SBF2: variants seen among roughly 807,000 people sequenced by gnomAD.
SBF2 encodes the protein myotubularin-related protein 13.
A neutral mutation model predicts 225.2 loss-of-function variants in SBF2; 112 were observed. That is an observed-to-expected ratio of 0.50 (90% CI 0.43 to 0.58). The LOEUF (loss-of-function observed/expected upper bound fraction) is 0.58, where lower values mean the gene tolerates loss of function less well. Among genes scored for constraint, SBF2 ranks in the 20% least tolerant of loss-of-function variants. The pLI, the probability that SBF2 is intolerant of heterozygous loss-of-function variation, is 0.00. For synonymous variants in SBF2, 763 were observed against 773.3 expected, an observed-to-expected ratio of 0.99 and a Z score of 0.22; for missense variants, 1,996 against 2,206.2, an observed-to-expected ratio of 0.90 and a Z score of 1.91.
At chr11:9,893,096 A>G (rs1860970032) in intron 17 of SBF2, among the ~76,000 whole-genome samples, 1 of 152,198 alleles carries the variant, frequency 6.6e-6, no homozygotes, top group Admixed American at 6.5e-5. Flanking sequence ...AGTATTTTAA[A>G]AGTAAGTTTA....
chr11:9,834,344 G>A (rs11042507), intron 26 of SBF2, among the ~76,000 whole-genome samples: 2 of 152,022 alleles, frequency 1.3e-5, no homozygotes, highest in African/African-American at 4.8e-5. Context: ...TGCCCGCCTC[G>A]GCCTCCCAAA....
chr11:9,833,601 C>T (rs930635981), intron 26 of SBF2, among the ~76,000 whole-genome samples: 33 of 151,500 alleles, frequency 2.2e-4, no homozygotes, highest in African/African-American at 3.4e-4. Flanking sequence ...TTTGTATTTT[C>T]AATAGAGACG....
chr11:10,034,672 G>C (rs1949372157), intron 3 of SBF2, among the ~76,000 whole-genome samples: 1 of 152,140 alleles, frequency 6.6e-6, no homozygotes, highest in African/African-American at 2.4e-5. Context: ...GTTATAAAAG[G>C]AGGATAAAAT....
chr11:10,297,359 C>G (rs1219337822), upstream of SBF2, among the ~76,000 whole-genome samples: 1 of 152,102 alleles, frequency 6.6e-6, no homozygotes, highest in Non-Finnish European at 1.5e-5. Context: ...CACACCCAGA[C>G]TTCATTTTCT....
intron 13 of SBF2, among the ~76,000 whole-genome samples, chr11:9,978,787 G>C (rs11825114): frequency 0.2 from 30,800 of 152,122 alleles, 3,197 homozygotes; most frequent in East Asian, 0.28. Flanking sequence ...CTTGAGCCCA[G>C]GAGTTCCAGA....
At chr11:9,998,226 T>G in intron 9 of SBF2, 40 bp downstream of exon 9, 2 of 1,184,410 alleles carry the variant, frequency 1.7e-6, no homozygotes, top group Non-Finnish European at 2.5e-6. Flanking sequence ...GCTTCAGATT[T>G]AAATAAAGAG....
chr11:10,107,855 G>C (rs1952618914), intron 2 of SBF2, among the ~76,000 whole-genome samples: 1 of 152,090 alleles, frequency 6.6e-6, no homozygotes, highest in African/African-American at 2.4e-5. Flanking sequence ...ACCATTCACA[G>C]GTTATGGATA....
At chr11:9,805,815 G>C (rs956016247) in intron 32 of SBF2, among the ~76,000 whole-genome samples, 3 of 152,032 alleles carry the variant, frequency 2.0e-5, no homozygotes, top group Admixed American at 6.6e-5. Flanking sequence ...GTAGAGATGG[G>C]GTTTCACCAT....
At chr11:10,177,924 A>G (rs1304001315) in intron 2 of SBF2, among the ~76,000 whole-genome samples, 9 of 149,550 alleles carry the variant, frequency 6.0e-5, no homozygotes, top group East Asian at 2.1e-4. Flanking sequence ...GAGGCATCAC[A>G]CTACCTGACT....
chr11:10,028,412 C>T, intron 6 of SBF2, 40 bp downstream of exon 6: 17 of 1,215,962 alleles, frequency 1.4e-5, no homozygotes, highest in Non-Finnish European at 2.0e-5. Flanking sequence ...TAATCATAGG[C>T]TTCTACAAGA....
chr11:10,219,564 T>A (rs1423388100), intron 1 of SBF2, among the ~76,000 whole-genome samples: 1 of 152,170 alleles, frequency 6.6e-6, no homozygotes, highest in Non-Finnish European at 1.5e-5. Flanking sequence ...CAGCTTGAAT[T>A]TCTCTCCAGA....
At chr11:10,040,765 G>A (rs927851718) in intron 3 of SBF2, among the ~76,000 whole-genome samples, 1 of 151,496 alleles carries the variant, frequency 6.6e-6, no homozygotes, top group African/African-American at 2.4e-5. Flanking sequence ...AGAGGAGAGA[G>A]GGGAAGAGGG....
At chr11:9,972,224 G>T (rs934376874) in intron 13 of SBF2, among the ~76,000 whole-genome samples, 2 of 151,958 alleles carry the variant, frequency 1.3e-5, no homozygotes, top group African/African-American at 4.8e-5. Context: ...TATGAGTATT[G>T]AACGAGCTGT....
chr11:9,862,255 C>T (rs977743003), intron 17 of SBF2, among the ~76,000 whole-genome samples: 2 of 152,206 alleles, frequency 1.3e-5, no homozygotes, highest in Non-Finnish European at 2.9e-5. Context: ...GCAGGGAGCA[C>T]TGTGTCCCTC....
chr11:10,027,230 G>A (rs2134621515), intron 6 of SBF2, among the ~76,000 whole-genome samples: 1 of 152,284 alleles, frequency 6.6e-6, no homozygotes, highest in South Asian at 2.1e-4. Context: ...ACCAAAGGGA[G>A]ATATTATTTT....
chr11:10,088,192 T>G (rs1245480841), intron 2 of SBF2, among the ~76,000 whole-genome samples: 1 of 151,758 alleles, frequency 6.6e-6, no homozygotes, highest in Non-Finnish European at 1.5e-5. Context: ...GCCGGCTAAT[T>G]TTTTGTATTT....
intron 13 of SBF2, among the ~76,000 whole-genome samples, chr11:9,978,089 G>T (rs1946781493): frequency 1.3e-5 from 2 of 152,130 alleles, no homozygotes; most frequent in African/African-American, 4.8e-5. Context: ...GGGAATTTTA[G>T]AAATGTGATT....
At chr11:10,258,436 C>G (rs999404902) in intron 1 of SBF2, among the ~76,000 whole-genome samples, 5 of 152,130 alleles carry the variant, frequency 3.3e-5, no homozygotes, top group African/African-American at 1.2e-4. Context: ...AGATATTAAG[C>G]AGAGTTTCTC....
At chr11:10,237,244 G>A (rs984821822) in intron 1 of SBF2, among the ~76,000 whole-genome samples, 2 of 152,188 alleles carry the variant, frequency 1.3e-5, no homozygotes, top group African/African-American at 4.8e-5. Context: ...CTATTTGGGA[G>A]CCTGTGGCAT....
Sources: gnomAD v4.1 joint callset for allele counts (sites outside exome capture counted in the v4.1 genomes callset) on GRCh38, gnomAD v4.1.1 for gene constraint, MANE v1.5 for transcripts, NCBI Gene and HGNC (gene_info 2026-07-23, HGNC 2026-07-21) for gene names.